Variants in GAB1 observed in about 807,000 individuals in gnomAD.
The protein encoded by GAB1 is GRB2-associated-binding protein 1.
GAB1 carries 19 observed loss-of-function variants against 66.5 expected under a neutral mutation model. The ratio of observed to expected loss-of-function variants is 0.29; its 90% confidence interval spans 0.20 to 0.42. The LOEUF (loss-of-function observed/expected upper bound fraction) is 0.42, where lower values mean the gene tolerates loss of function less well. Among genes scored for constraint, GAB1 ranks in the 10% least tolerant of loss-of-function variants. The pLI is 1.00. For synonymous variants in GAB1, 294 were observed against 301.4 expected (o/e 0.98, Z 0.25); for missense variants, 732 against 858.5 (o/e 0.85, Z 1.84).
chr4:143,385,180 T>C (rs977245719), intron 1 of GAB1, among the ~76,000 whole-genome samples: 1 of 152,194 alleles, frequency 6.6e-6, no homozygotes, highest in African/African-American at 2.4e-5. Context: ...ATCATAATTC[T>C]TCAAAACATA....
At chr4:143,388,842 T>C (rs1320518067) in intron 1 of GAB1, among the ~76,000 whole-genome samples, 3 of 152,246 alleles carry the variant, frequency 2.0e-5, no homozygotes, top group Non-Finnish European at 4.4e-5. Context: ...TGAAGCAGTA[T>C]TTAAATACAT....
At chr4:143,373,586 T>G (rs1416506100) in intron 1 of GAB1, among the ~76,000 whole-genome samples, 1 of 152,132 alleles carries the variant, frequency 6.6e-6, no homozygotes, top group Non-Finnish European at 1.5e-5. Context: ...CCTAGCACTT[T>G]GGGAGGCCAA....
At chr4:143,370,877 C>T (rs887104806) in intron 1 of GAB1, among the ~76,000 whole-genome samples, 3 of 152,186 alleles carry the variant, frequency 2.0e-5, no homozygotes, top group African/African-American at 7.2e-5. Flanking sequence ...AGGACATGAA[C>T]TCATCCTTTT....
rs753897639 is a variant in GAB1, at chr4:143,457,786, C to T, written c.1586-1599C>T. On this transcript the variant is annotated intron_variant, in intron 6 of 9. Coordinates refer to ENST00000262994, the MANE Select transcript of GAB1 (RefSeq NM_002039.4). ...GAAGAAAGGGTATGTACTTTAGCAC[C>T]GCATGCTGTATGGGGCATTGGGAAT... The T allele has an allele frequency of 1.2e-5, 16 of 1,326,800 alleles. No homozygotes were observed. The Middle Eastern group carries it at 5.4e-4, about 45-fold the overall frequency. The allele number at this position is 1,326,800 out of a possible 1,614,324, so 82.2% of individuals were successfully genotyped here.
chr4:143,353,958 A>G (rs1308245561), intron 1 of GAB1, among the ~76,000 whole-genome samples: 2 of 152,186 alleles, frequency 1.3e-5, no homozygotes, highest in Non-Finnish European at 2.9e-5. Context: ...GTTGAGGATC[A>G]TTATTGTTAT....
At chr4:143,448,766 G>C (rs1443090663) in intron 6 of GAB1, among the ~76,000 whole-genome samples, 2 of 151,394 alleles carry the variant, frequency 1.3e-5, no homozygotes, top group Non-Finnish European at 2.9e-5. Context: ...AATTTTTGAA[G>C]GGTTTTTTGT....
chr4:143,368,216 A>G (rs541094075), intron 1 of GAB1, among the ~76,000 whole-genome samples: 1 of 152,188 alleles, frequency 6.6e-6, no homozygotes, highest in East Asian at 1.9e-4. Context: ...TACCTGGCAA[A>G]TAATTTCTTC....
At chr4:143,376,065 G>C (rs1024642650) in intron 1 of GAB1, among the ~76,000 whole-genome samples, 2 of 151,958 alleles carry the variant, frequency 1.3e-5, no homozygotes, top group Non-Finnish European at 2.9e-5. Flanking sequence ...CTGGAATGTT[G>C]TATCCTGGAG....
At chr4:143,376,468 TG>T (rs1375984347) in intron 1 of GAB1, among the ~76,000 whole-genome samples, 1 of 152,236 alleles carries the variant, frequency 6.6e-6, no homozygotes, top group East Asian at 1.9e-4. Context: ...TGGAGCTATC[TG>T]GGCTTCATAT....
At chr4:143,345,825 A>G (rs748181377) in intron 1 of GAB1, among the ~76,000 whole-genome samples, 2 of 152,244 alleles carry the variant, frequency 1.3e-5, no homozygotes, top group Non-Finnish European at 2.9e-5. Flanking sequence ...AGCAAGTTTC[A>G]CATTTGCTTT....
Position 143,447,695 on chromosome 4 carries a change from A to G in GAB1, c.1585+7313A>G, listed in dbSNP as rs530982051. On this transcript the variant is annotated intron_variant, in intron 6 of 9. Transcript: ENST00000262994. ...GCTTAAGGAGATTTTGAGCTGAGAC[A>G]ATGGGGTTTTCTAGATATACAATCA... 5.6e-3 allele frequency among the ~76,000 whole-genome samples: 854 copies of G among 152,204 alleles called. 9 individuals are homozygous for G. Among genetic ancestry groups the G allele is most frequent in the African/African-American group, 0.019 (795 of 41,538 alleles).
At chr4:143,419,781 A>G (rs1732916490) in intron 2 of GAB1, among the ~76,000 whole-genome samples, 1 of 152,160 alleles carries the variant, frequency 6.6e-6, no homozygotes. Context: ...AGCCACATTT[A>G]GAAGTGTCTT....
chr4:143,436,411 T>C (rs1385516359), intron 3 of GAB1, among the ~76,000 whole-genome samples: 1 of 152,200 alleles, frequency 6.6e-6, no homozygotes, highest in Non-Finnish European at 1.5e-5. Context: ...TTCTCTTGAA[T>C]ACATGAGTGG....
In GAB1 at chr4:143,440,397, G is replaced by C. The variant is rs200883265; in HGVS notation, c.1585+15G>C. 426 of 1,584,234 alleles carry C rather than the reference G, an allele frequency of 2.7e-4. 3 individuals carry two copies. In the African/African-American group the frequency reaches 5.2e-3, roughly 19 times the overall value. On this transcript the variant is annotated intron_variant, in intron 6 of 9. Coordinates refer to ENST00000262994, the MANE Select transcript of GAB1 (RefSeq NM_002039.4). ...AGACAGAAAAGGTAAGGAGAGCATGGCAAAGTAAAAGGCTTGGGGAGTGCC... is the reference window on the plus strand; with the variant it reads ...AGACAGAAAAGGTAAGGAGAGCATGCCAAAGTAAAAGGCTTGGGGAGTGCC...
In GAB1 at chr4:143,368,117, A is replaced by C. The variant is rs1729965986; in HGVS notation, c.72+30857A>C. On this transcript the variant is annotated intron_variant, in intron 1 of 9. Transcript: ENST00000262994. ...ACTTTGATCGTGGACTAGTATTTTTAGTCACATCCACAGGCCTTTGAAAGG... is the reference window on the plus strand; with the variant it reads ...ACTTTGATCGTGGACTAGTATTTTTCGTCACATCCACAGGCCTTTGAAAGG... Among the ~76,000 whole-genome samples the C allele has an allele frequency of 2.6e-5, 4 of 152,004 alleles. No homozygotes were observed. In the South Asian group the frequency reaches 8.3e-4, roughly 32 times the overall value.
intron 6 of GAB1, among the ~76,000 whole-genome samples, chr4:143,454,184 T>G (rs928935182): frequency 1.3e-5 from 2 of 152,230 alleles, no homozygotes; most frequent in Non-Finnish European, 2.9e-5. Flanking sequence ...ATCCGTATTC[T>G]TATGGCATTT....
rs1382357314 is a variant in GAB1 at position 143,474,204 on chromosome 4, TAA to T, written c.*5016_*5017del. On this transcript the variant is annotated 3_prime_UTR_variant, in exon 10 of 10. Coordinates refer to ENST00000262994, the MANE Select transcript of GAB1 (RefSeq NM_002039.4). ...AAATAAAGGAACACCTACAGAAAATTAAGTTTCTAAGATGTTTCTATACTTCA... is the reference window on the plus strand; with the variant it reads ...AAATAAAGGAACACCTACAGAAAATTGTTTCTAAGATGTTTCTATACTTCA... The T allele has an allele frequency of 2.0e-5, 3 of 152,138 alleles. No individual in the cohort carries two copies. The highest frequency in any genetic ancestry group is 4.4e-5 in the Non-Finnish European group (3 of 68,014). 9.4% of individuals were successfully genotyped at this position (152,138 alleles called of 1,614,324 possible).
At chr4:143,350,678 CAAAAAAAAAAA>C (rs34098103) in intron 1 of GAB1, among the ~76,000 whole-genome samples, 1 of 88,518 alleles carries the variant, frequency 1.1e-5, no homozygotes, top group African/African-American at 4.6e-5. Context: ...AACTCCGTCT[CAAAAAAAAAAA>C]AAAAAAAAAG....
intron 6 of GAB1, among the ~76,000 whole-genome samples, chr4:143,446,455 G>C (rs1734541279): frequency 6.6e-6 from 1 of 150,598 alleles, no homozygotes; most frequent in African/African-American, 2.4e-5. Context: ...TCCAGCACCT[G>C]TTGTTTCCTG....
Sources: gnomAD v4.1 joint callset for allele counts (sites outside exome capture counted in the v4.1 genomes callset) on GRCh38, gnomAD v4.1.1 for gene constraint, MANE v1.5 for transcripts, NCBI Gene and HGNC (gene_info 2026-07-23, HGNC 2026-07-21) for gene names.